PMS1: variants seen among roughly 807,000 people sequenced by gnomAD.
The protein encoded by PMS1 is PMS1 homolog 1, mismatch repair system component.
In PMS1, 79 loss-of-function variants were observed where a neutral mutation model predicts 93.1. The ratio of observed to expected loss-of-function variants is 0.85; its 90% CI spans 0.71 to 1.02. The LOEUF is 1.02. Ranked by LOEUF, PMS1 falls within the 50% of genes least tolerant of loss-of-function variation. The probability of loss-of-function intolerance (pLI) is 0.00; values close to 1 mark genes in which losing one functional copy is unlikely to be tolerated. For missense variants in PMS1, 1,064 were observed against 1,085.3 expected, an observed-to-expected ratio of 0.98 and a Z score of 0.28; for synonymous variants, 335 against 363.4, an observed-to-expected ratio of 0.92 and a Z score of 0.89.
At chr2:189,853,238 G>A (rs1413786489) in intron 7 of PMS1, among the ~76,000 whole-genome samples, 3 of 151,904 alleles carry the variant, frequency 2.0e-5, no homozygotes, top group Non-Finnish European at 4.4e-5. Context: ...TGTAGTTTTA[G>A]TAGAGATGGG....
At chr2:189,869,029 T>C (rs904410667) in intron 11 of PMS1, among the ~76,000 whole-genome samples, 2 of 152,328 alleles carry the variant, frequency 1.3e-5, no homozygotes, top group East Asian at 1.9e-4. Context: ...CTCCCTAATA[T>C]CCTTGTAAAG....
intron 9 of PMS1, 95 bp from the exon 10 acceptor site, chr2:189,863,648 G>A: frequency 2.2e-6 from 2 of 911,424 alleles, no homozygotes; most frequent in Admixed American, 2.0e-5. Flanking sequence ...TACTATATCT[G>A]GAACACCAGT....
intron 4 of PMS1, among the ~76,000 whole-genome samples, chr2:189,813,733 T>C (rs1216680873): frequency 6.6e-6 from 1 of 152,140 alleles, no homozygotes; most frequent in African/African-American, 2.4e-5. Flanking sequence ...CCAGAAGAAA[T>C]TGCCATATTC....
chr2:189,822,010 G>A (rs2051941148), intron 5 of PMS1, among the ~76,000 whole-genome samples: 1 of 152,132 alleles, frequency 6.6e-6, no homozygotes. Flanking sequence ...AAATTGGAAA[G>A]CAGGCGCCCC....
chr2:189,802,132 G>A (rs557572613), intron 3 of PMS1, among the ~76,000 whole-genome samples: 14 of 152,152 alleles, frequency 9.2e-5, no homozygotes, highest in African/African-American at 3.4e-4. Flanking sequence ...AATGGTTACA[G>A]TGTACTGAAT....
chr2:189,829,127 T>G (rs1055438575), intron 5 of PMS1, among the ~76,000 whole-genome samples: 1 of 152,200 alleles, frequency 6.6e-6, no homozygotes, highest in African/African-American at 2.4e-5. Context: ...AATGCATCAT[T>G]CATCCTCCCT....
At chr2:189,799,817 C>G (rs2049719889) in intron 3 of PMS1, among the ~76,000 whole-genome samples, 1 of 151,682 alleles carries the variant, frequency 6.6e-6, no homozygotes, top group Non-Finnish European at 1.5e-5. Flanking sequence ...TCCAATGAAT[C>G]CAGTGACTGG....
chr2:189,854,272 A>G lies in PMS1; in HGVS notation c.1000A>G (p.Thr334Ala). 1 of 1,594,880 alleles carries G rather than the reference A, an allele frequency of 6.3e-7. No homozygotes were observed. The highest frequency in any genetic ancestry group is 8.5e-7 in the Non-Finnish European group (1 of 1,171,850). Residue 334 changes from threonine (T) to alanine (A), a missense_variant, in exon 9 of 13, where the codon ACG becomes GCG. Transcript: ENST00000441310. ...SVLIALENLM[T>A]TCYGPLPSTN... ...TTTAATTGCTCTTGAAAATCTGATG[A>G]CGACTTGTTATGGACCATTACCTAG... is the stretch of plus-strand genomic sequence containing the variant.
At chr2:189,812,695 C>T (rs2050950731) in intron 4 of PMS1, among the ~76,000 whole-genome samples, 1 of 152,138 alleles carries the variant, frequency 6.6e-6, no homozygotes, top group Non-Finnish European at 1.5e-5. Context: ...TAATTTATTT[C>T]ATGGTAATCA....
chr2:189,835,089 T>G (rs1023623120), intron 5 of PMS1, among the ~76,000 whole-genome samples: 1 of 152,306 alleles, frequency 6.6e-6, no homozygotes, highest in Admixed American at 6.5e-5. Flanking sequence ...AATGAAAAAA[T>G]TATTCTTTTC....
At chr2:189,815,938 C>G (rs1485708296) in intron 4 of PMS1, among the ~76,000 whole-genome samples, 1 of 152,138 alleles carries the variant, frequency 6.6e-6, no homozygotes, top group Non-Finnish European at 1.5e-5. Flanking sequence ...GGGTTTTGTT[C>G]TGTCACCCGG....
At chr2:189,800,794 A>G (rs900048727) in intron 3 of PMS1, among the ~76,000 whole-genome samples, 14 of 152,314 alleles carry the variant, frequency 9.2e-5, no homozygotes, top group African/African-American at 2.2e-4. Flanking sequence ...GCCATCACCT[A>G]TAACTCTAGT....
chr2:189,805,741 A>C lies in PMS1; in HGVS notation c.405A>C (p.Ser135=). Residue 135 remains serine (S), a synonymous_variant, in exon 4 of 13, where the codon TCA becomes TCC. Coordinates refer to ENST00000441310, the MANE Select transcript of PMS1 (RefSeq NM_000534.5). The part of the protein sequence containing the change: ...GSGHILSQKP[S]HLGQGTTVTA... ...GCCACATACTTTCTCAGAAACCTTC[A>C]CATCTTGGTCAAGGTAAGAAAGTAG... 6.2e-7 allele frequency: 1 copy of C among 1,613,836 alleles called. No individual in the cohort carries two copies. Among genetic ancestry groups the C allele is most frequent in the Non-Finnish European group, 8.5e-7 (1 of 1,179,896 alleles).
At chr2:189,843,740 A>G (rs1371795994) in intron 5 of PMS1, among the ~76,000 whole-genome samples, 1 of 152,216 alleles carries the variant, frequency 6.6e-6, no homozygotes, top group Non-Finnish European at 1.5e-5. Context: ...GGAGAAAACC[A>G]AGGTAAAGGG....
chr2:189,818,118 G>T lies in PMS1; in HGVS notation c.520G>T (p.Asp174Tyr). The T allele has an allele frequency of 6.2e-7, 1 of 1,608,778 alleles. No homozygotes were observed. Among genetic ancestry groups the T allele is most frequent in the South Asian group, 1.1e-5 (1 of 90,880 alleles). ...TAAAGATGAAATAAAAAAGATCCAA[G>T]ATCTCCTCATGAGCTTTGGTATCCT... ...KCKDEIKKIQ[D>Y]LLMSFGILKP... The change falls in exon 5 of 13, where the codon GAT becomes TAT. Residue 174 changes from aspartate to tyrosine, a missense_variant. Physicochemically the swap from Asp to Tyr is radical, Grantham distance 160. Transcript: ENST00000441310.
In PMS1 at chr2:189,864,097, A is replaced by G; in HGVS notation, c.2211A>G (p.Leu737=). 4.3e-6 allele frequency: 7 copies of G among 1,613,724 alleles called. No individual in the cohort carries two copies. Among genetic ancestry groups the G allele is most frequent in the Non-Finnish European group, 5.9e-6 (7 of 1,179,756 alleles). The part of the protein sequence containing the change: ...IHNLRFPDAW[L]MTSKTEVMLL... ...ATCTCAGGTTTCCTGATGCATGGCT[A>G]ATGACATCCAAAACAGAGGTAATGT... Residue 737 remains leucine, a synonymous_variant, in exon 10 of 13, where the codon CTA becomes CTG. Coordinates refer to ENST00000441310, the MANE Select transcript of PMS1 (RefSeq NM_000534.5).
rs5743141 is a variant in PMS1, at chr2:189,856,316, T to C, written c.1856+1188T>C. Among the ~76,000 whole-genome samples the C allele has an allele frequency of 9.6e-3, 1,463 of 152,214 alleles. 12 individuals are homozygous for C. The highest frequency in any genetic ancestry group is 0.016 in the Non-Finnish European group (1,092 of 67,950). On this transcript the variant is annotated intron_variant, in intron 9 of 12. Transcript: ENST00000441310. ...TTCATCCATACTTCCATTCACTTTC[T>C]TTCCCTTTGTTTATTATTCTGAAGC...
chr2:189,856,823 G>T (rs2106473119), intron 9 of PMS1, among the ~76,000 whole-genome samples: 1 of 152,220 alleles, frequency 6.6e-6, no homozygotes, highest in East Asian at 1.9e-4. Flanking sequence ...TTTGGGGAAT[G>T]TCTGCATTGT....
intron 5 of PMS1, among the ~76,000 whole-genome samples, chr2:189,829,915 T>C (rs746700183): frequency 6.6e-6 from 1 of 152,218 alleles, no homozygotes; most frequent in Non-Finnish European, 1.5e-5. Context: ...AGTATCCTAA[T>C]GGACTCTCCC....
Sources: gnomAD v4.1 joint callset for allele counts (sites outside exome capture counted in the v4.1 genomes callset) on GRCh38, gnomAD v4.1.1 for gene constraint, MANE v1.5 for transcripts, NCBI Gene and HGNC (gene_info 2026-07-23, HGNC 2026-07-21) for gene names.